Variants in SUGCT observed in about 807,000 individuals in gnomAD.
The protein encoded by SUGCT is succinyl-CoA:glutarate-CoA transferase, also known as succinyl-CoA:glutarate CoA-transferase.
A neutral mutation model predicts 55.0 loss-of-function variants in SUGCT; 41 were observed. The observed-to-expected ratio is 0.74, with a 90% confidence interval of 0.58 to 0.97. The LOEUF (loss-of-function observed/expected upper bound fraction) is 0.97, where lower values mean the gene tolerates loss of function less well. Among genes scored for constraint, SUGCT ranks in the 50% least tolerant of loss-of-function variants. The probability of loss-of-function intolerance (pLI) is 0.00; values close to 1 mark genes in which losing one functional copy is unlikely to be tolerated. For synonymous variants in SUGCT, 187 were observed against 200.4 expected (o/e 0.93, Z 0.56); for missense variants, 568 against 547.8 (o/e 1.04, Z -0.37).
chr7:40,853,292 T>C (rs1355085591), intron 13 of SUGCT, among the ~76,000 whole-genome samples: 1 of 152,182 alleles, frequency 6.6e-6, no homozygotes, highest in Non-Finnish European at 1.5e-5. Flanking sequence ...AAACTTTCTT[T>C]TATTGTTAGC....
At chr7:40,305,975 T>A (rs201231379) in intron 8 of SUGCT, among the ~76,000 whole-genome samples, 2 of 60,326 alleles carry the variant, frequency 3.3e-5, no homozygotes, top group African/African-American at 6.9e-5. Flanking sequence ...AGTTATTTTA[T>A]TTTATTTTTT....
In SUGCT at chr7:40,204,772, G is replaced by GA. The variant is rs902328161; in HGVS notation, c.484+9724dup. ...GAGACCTCGTCTCTAGAAAAAATTT[G>GA]AAAAAAAAAAAATTAGCCAGGCATG... On this transcript the variant is annotated intron_variant, in intron 6 of 13. Transcript: ENST00000335693. Among the ~76,000 whole-genome samples the GA allele has an allele frequency of 6.8e-3, 966 of 143,030 alleles. 5 individuals carry two copies. Among genetic ancestry groups the GA allele is most frequent in the Non-Finnish European group, 0.011 (710 of 64,872 alleles). The allele number at this position is 143,030 out of a possible 152,430, so 93.8% of individuals were successfully genotyped here.
At chr7:40,708,836 C>T (rs969380668) in intron 12 of SUGCT, among the ~76,000 whole-genome samples, 1 of 152,126 alleles carries the variant, frequency 6.6e-6, no homozygotes, top group African/African-American at 2.4e-5. Flanking sequence ...TCTTCTGGTC[C>T]ATAGTATTTC....
intron 9 of SUGCT, among the ~76,000 whole-genome samples, chr7:40,442,488 T>C (rs1417687389): frequency 2.6e-5 from 4 of 152,134 alleles, no homozygotes; most frequent in African/African-American, 2.4e-5. Context: ...AGTTTTTTTT[T>C]CCGTCTTATA....
intron 12 of SUGCT, chr7:40,499,190 A>G (rs952678069): frequency 8.8e-6 from 4 of 452,734 alleles, no homozygotes; most frequent in African/African-American, 8.0e-5. Flanking sequence ...TGGGTGAAGT[A>G]CAAGGCCTGG....
chr7:40,916,066 TACATAC>T, the SUGCT span, among the ~76,000 whole-genome samples: 6 of 90,246 alleles, frequency 6.6e-5, no homozygotes, highest in Admixed American at 2.5e-4. Flanking sequence ...TCTCTCTCTC[TACATAC>T]ACACACACAC....
intron 5 of SUGCT, among the ~76,000 whole-genome samples, chr7:40,191,432 G>A (rs1438532372): frequency 6.6e-6 from 1 of 152,104 alleles, no homozygotes; most frequent in Non-Finnish European, 1.5e-5. Flanking sequence ...CAGAATCAGG[G>A]ACCATTCTTT....
At chr7:40,273,307 A>G (rs1792228484) in intron 7 of SUGCT, among the ~76,000 whole-genome samples, 1 of 152,178 alleles carries the variant, frequency 6.6e-6, no homozygotes, top group African/African-American at 2.4e-5. Context: ...CAAAACAATT[A>G]ACATGGTTTA....
chr7:40,586,872 G>A (rs574972813), intron 12 of SUGCT, among the ~76,000 whole-genome samples: 78 of 152,270 alleles, frequency 5.1e-4, no homozygotes, highest in Middle Eastern at 3.4e-3. Flanking sequence ...CTTACAAGTA[G>A]GAAATAGCCT....
chr7:40,208,787 C>T (rs1051663236), intron 6 of SUGCT, among the ~76,000 whole-genome samples: 7 of 152,100 alleles, frequency 4.6e-5, no homozygotes, highest in Non-Finnish European at 1.0e-4. Flanking sequence ...TCAGGCAATC[C>T]GCCCGCCTCA....
chr7:40,674,054 C>T (rs137947223), intron 12 of SUGCT, among the ~76,000 whole-genome samples: 236 of 151,998 alleles, frequency 1.6e-3, no homozygotes, highest in African/African-American at 4.7e-3. Context: ...AGGATTGATC[C>T]GATTAAAGAT....
intron 6 of SUGCT, among the ~76,000 whole-genome samples, chr7:40,219,697 T>C (rs1055252097): frequency 6.6e-6 from 1 of 151,892 alleles, no homozygotes; most frequent in African/African-American, 2.4e-5. Flanking sequence ...ATGTTTAAAA[T>C]GTACATTAAA....
chr7:40,658,163 G>A (rs1801121055), intron 12 of SUGCT, among the ~76,000 whole-genome samples: 1 of 152,074 alleles, frequency 6.6e-6, no homozygotes, highest in Non-Finnish European at 1.5e-5. Context: ...ATGAATTCTA[G>A]GCCTTCTGTC....
At chr7:40,869,402 C>G in the SUGCT span, among the ~76,000 whole-genome samples, 2 of 152,198 alleles carry the variant, frequency 1.3e-5, no homozygotes, top group South Asian at 4.1e-4. Context: ...CAGCCAGCAA[C>G]AAAACAGGGA....
chr7:40,375,932 C>A (rs1230436089), intron 9 of SUGCT, among the ~76,000 whole-genome samples: 6 of 152,054 alleles, frequency 3.9e-5, no homozygotes, highest in Non-Finnish European at 4.4e-5. Context: ...AAGAAAAATA[C>A]CATGGGTATT....
chr7:40,590,250 C>A (rs1269115532), intron 12 of SUGCT, among the ~76,000 whole-genome samples: 1 of 152,116 alleles, frequency 6.6e-6, no homozygotes, highest in African/African-American at 2.4e-5. Flanking sequence ...TTCCTATTTC[C>A]TGAAAGACGA....
intron 7 of SUGCT, among the ~76,000 whole-genome samples, chr7:40,271,978 A>G (rs73133536): frequency 0.18 from 27,363 of 150,520 alleles, 2,637 homozygotes; most frequent in Middle Eastern, 0.23. Context: ...AATGTCCTCC[A>G]GTGACATCCA....
chr7:40,302,768 G>A (rs1319947810), intron 8 of SUGCT, among the ~76,000 whole-genome samples: 1 of 152,066 alleles, frequency 6.6e-6, no homozygotes, highest in East Asian at 1.9e-4. Context: ...TGAGAGTGAC[G>A]TTGCATTGTA....
At chr7:40,621,991 A>G (rs551766491) in intron 12 of SUGCT, among the ~76,000 whole-genome samples, 71 of 152,188 alleles carry the variant, frequency 4.7e-4, no homozygotes, top group Non-Finnish European at 8.7e-4. Flanking sequence ...GGTTAACAGC[A>G]TCGTTAGGCA....
Sources: gnomAD v4.1 joint callset for allele counts (sites outside exome capture counted in the v4.1 genomes callset) on GRCh38, gnomAD v4.1.1 for gene constraint, MANE v1.5 for transcripts, NCBI Gene and HGNC (gene_info 2026-07-23, HGNC 2026-07-21) for gene names.